Variants in XPR1 observed in about 807,000 individuals in gnomAD.
XPR1 encodes xenotropic and polytropic retrovirus receptor 1.
Under a neutral mutation model 87.5 loss-of-function variants are expected in XPR1, and 28 were observed. The observed-to-expected ratio is 0.32, with a 90% CI of 0.24 to 0.44. The LOEUF (loss-of-function observed/expected upper bound fraction) is 0.44. XPR1 is among the 20% of genes least tolerant of loss of function. The probability of loss-of-function intolerance (pLI) is 1.00; values close to 1 mark genes in which losing one functional copy is unlikely to be tolerated. For synonymous variants in XPR1, 300 were observed against 306.1 expected (o/e 0.98, Z 0.21); for missense variants, 559 against 862.3 (o/e 0.65, Z 4.41).
At chr1:180,661,420 C>T (rs1412025834) in intron 1 of XPR1, among the ~76,000 whole-genome samples, 5 of 150,552 alleles carry the variant, frequency 3.3e-5, no homozygotes, top group African/African-American at 9.8e-5. Flanking sequence ...TCTTTCCTTC[C>T]TTCCTGTATT....
intron 2 of XPR1, among the ~76,000 whole-genome samples, chr1:180,711,314 C>G (rs2101984441): frequency 6.6e-6 from 1 of 152,350 alleles, no homozygotes. Flanking sequence ...TGCACTCCAG[C>G]CTGGGCAACA....
intron 13 of XPR1, among the ~76,000 whole-genome samples, chr1:180,878,702 A>G (rs1652741143): frequency 1.3e-5 from 2 of 152,142 alleles, no homozygotes. Context: ...CGTACTGCCC[A>G]TTTTGCTAAA....
chr1:180,821,938 G>T (rs1650641792), intron 7 of XPR1, among the ~76,000 whole-genome samples: 1 of 152,068 alleles, frequency 6.6e-6, no homozygotes. Context: ...TGGATTCTTT[G>T]GGATTTGTGT....
At chr1:180,636,565 T>A (rs1654783046) in intron 1 of XPR1, among the ~76,000 whole-genome samples, 1 of 152,184 alleles carries the variant, frequency 6.6e-6, no homozygotes, top group African/African-American at 2.4e-5. Flanking sequence ...GCCCAGATCA[T>A]AAGAACCTAA....
intron 12 of XPR1, among the ~76,000 whole-genome samples, chr1:180,864,095 G>C (rs1247300982): frequency 6.6e-6 from 1 of 152,046 alleles, no homozygotes; most frequent in Non-Finnish European, 1.5e-5. Flanking sequence ...TCATTCTCAA[G>C]GAAAGCCATA....
intron 11 of XPR1, among the ~76,000 whole-genome samples, chr1:180,863,215 A>C (rs1652276441): frequency 6.6e-6 from 1 of 152,134 alleles, no homozygotes; most frequent in African/African-American, 2.4e-5. Context: ...ATCTAGACTT[A>C]GGATTATCTG....
At position 180,810,005 on chromosome 1, in the gene XPR1, A is replaced by G. The variant is rs1650150025; in HGVS notation, c.682-1402A>G. On this transcript the variant is annotated intron_variant, in intron 6 of 14. Transcript: ENST00000367590. ...TTTTTGAAGGTTTTTAGAAAACAAA[A>G]TACCTGAAATGTACTATCATCTCTA... Among the ~76,000 whole-genome samples the G allele has an allele frequency of 3.9e-5, 6 of 152,296 alleles. 1 individual carries two copies. The South Asian group carries it at 1.2e-3, about 32-fold the overall frequency.
chr1:180,649,447 A>G (rs1655224424), intron 1 of XPR1, among the ~76,000 whole-genome samples: 1 of 152,096 alleles, frequency 6.6e-6, no homozygotes, highest in Non-Finnish European at 1.5e-5. Context: ...AAACAAAAAC[A>G]AAAACAAAGA....
intron 1 of XPR1, among the ~76,000 whole-genome samples, chr1:180,665,948 C>T (rs545380229): frequency 6.6e-6 from 1 of 152,252 alleles, no homozygotes; most frequent in East Asian, 1.9e-4. Flanking sequence ...CTTGCTCTGC[C>T]TCCCCTAACT....
chr1:180,794,396 T>G (rs1649498006), intron 3 of XPR1, among the ~76,000 whole-genome samples: 1 of 152,236 alleles, frequency 6.6e-6, no homozygotes, highest in Non-Finnish European at 1.5e-5. Flanking sequence ...CGACTGTACG[T>G]GGGTCATCAC....
intron 2 of XPR1, among the ~76,000 whole-genome samples, chr1:180,769,575 G>A (rs1463040699): frequency 6.6e-6 from 1 of 151,622 alleles, no homozygotes; most frequent in Non-Finnish European, 1.5e-5. Context: ...GTAACATAAT[G>A]ATCTCCAGTT....
At chr1:180,859,870 A>G (rs372969485) in intron 11 of XPR1, among the ~76,000 whole-genome samples, 2 of 152,204 alleles carry the variant, frequency 1.3e-5, no homozygotes, top group East Asian at 3.8e-4. Context: ...AAAATTTTAA[A>G]GTTGTGAATA....
rs1558032680 is a variant in XPR1, at chr1:180,836,578, C to G, written c.1363C>G (p.Pro455Ala). The change falls in exon 11 of 15, where the codon CCT (proline) becomes GCT (alanine). Residue 455 changes from proline (P) to alanine (A), a missense_variant. Physicochemically the swap from Pro to Ala is conservative, Grantham distance 27. This residue lies in a region of XPR1 where 264 missense variants were observed against 377.2 expected (regional missense o/e 0.70). Transcript: ENST00000367590. Reference protein sequence around the residue: ...YGVRAIVQCIPAWLRFIQCLR... With the variant: ...YGVRAIVQCIAAWLRFIQCLR... ...TGTGCGGGCCATTGTTCAGTGCATT[C>G]CTGCTTGGCTTCGCTTCATCCAGTG... is the stretch of plus-strand genomic sequence containing the variant. The G allele has an allele frequency of 6.2e-7, 1 of 1,614,052 alleles. No individual in the cohort carries two copies.
chr1:180,687,073 C>T (rs1303270177), intron 2 of XPR1, among the ~76,000 whole-genome samples: 13 of 151,954 alleles, frequency 8.6e-5, no homozygotes, highest in East Asian at 5.8e-4. Context: ...GTAAAGAATA[C>T]CTCCTTTAAC....
intron 1 of XPR1, among the ~76,000 whole-genome samples, chr1:180,652,068 G>A (rs752405829): frequency 9.2e-5 from 14 of 152,166 alleles, no homozygotes; most frequent in Non-Finnish European, 1.8e-4. Flanking sequence ...AAGGCGCGCG[G>A]ATCACATGAG....
At chr1:180,844,637 C>CATTCT (rs1362059432) in intron 11 of XPR1, among the ~76,000 whole-genome samples, 2 of 152,246 alleles carry the variant, frequency 1.3e-5, no homozygotes, top group African/African-American at 4.8e-5. Context: ...GCTTATGCAT[C>CATTCT]TGTAGGTCAG....
At chr1:180,661,351 A>G (rs965565994) in intron 1 of XPR1, among the ~76,000 whole-genome samples, 3 of 151,764 alleles carry the variant, frequency 2.0e-5, no homozygotes, top group Non-Finnish European at 2.9e-5. Flanking sequence ...GTTCAGTATT[A>G]TTACTGATAA....
At chr1:180,644,879 C>T (rs1557936145) in intron 1 of XPR1, among the ~76,000 whole-genome samples, 1 of 151,672 alleles carries the variant, frequency 6.6e-6, no homozygotes, top group Non-Finnish European at 1.5e-5. Flanking sequence ...TGGGAAGCAG[C>T]GCTTGTTTTC....
At chr1:180,846,783 GA>G (rs1651698800) in intron 11 of XPR1, among the ~76,000 whole-genome samples, 1 of 150,702 alleles carries the variant, frequency 6.6e-6, no homozygotes, top group Non-Finnish European at 1.5e-5. Context: ...ATAGGTATAA[GA>G]TACGGTTTTC....
Sources: allele counts gnomAD v4.1 joint callset (sites outside exome capture counted in the v4.1 genomes callset), GRCh38; gene constraint gnomAD v4.1.1; regional missense constraint gnomAD v4.1.1; transcripts MANE v1.5; gene names NCBI Gene and HGNC (gene_info 2026-07-23, HGNC 2026-07-21).